Variants in LRRC45 observed in about 807,000 individuals in gnomAD.
LRRC45 encodes leucine rich repeat containing 45, also known as leucine-rich repeat-containing protein 45.
Under a neutral mutation model 85.4 loss-of-function variants are expected in LRRC45, and 73 were observed. The ratio of observed to expected loss-of-function variants is 0.85; its 90% CI spans 0.71 to 1.04. The LOEUF (loss-of-function observed/expected upper bound fraction) is 1.04, where lower values mean the gene tolerates loss of function less well. Ranked by LOEUF, LRRC45 falls within the 50% of genes least tolerant of loss-of-function variation. LRRC45 has a pLI of 0.00. For synonymous variants in LRRC45, 429 were observed against 386.0 expected, an observed-to-expected ratio of 1.11 and a Z score of -1.31; for missense variants, 937 against 883.3, an observed-to-expected ratio of 1.06 and a Z score of -0.77.
intron 5 of LRRC45, 71 bp downstream of exon 5, chr17:82,025,578 C>T (rs528861638): frequency 7.6e-5 from 110 of 1,454,058 alleles, no homozygotes; most frequent in Middle Eastern, 7.3e-4. Context: ...GGCGGGGTGC[C>T]GGGCTCAGGA....
In LRRC45 at chr17:82,028,644, A is replaced by T. The variant is rs2043389829; in HGVS notation, c.1269A>T (p.Arg423Ser). Residue 423 changes from arginine to serine, a missense_variant, in exon 12 of 17, where the codon AGA becomes AGT. Transcript: ENST00000306688. ...ERLDMEKRRC[R>S]QSLEDSESLR... ...TGGACATGGAGAAGAGAAGATGCAG[A>T]CAGAGCCTGGAGGACTCCGAAAGCC... 6.2e-7 allele frequency: 1 copy of T among 1,612,806 alleles called. No homozygotes were observed.
In LRRC45 at chr17:82,023,478, C is replaced by G; in HGVS notation, c.-166C>G. 1 of 614,702 alleles carries G rather than the reference C, an allele frequency of 1.6e-6. No homozygotes were observed. Among genetic ancestry groups the G allele is most frequent in the South Asian group, 2.1e-5 (1 of 47,692 alleles). The allele number at this position is 614,702 out of a possible 1,614,324, so 38.1% of individuals were successfully genotyped here. On this transcript the variant is annotated 5_prime_UTR_variant, in exon 1 of 17. Coordinates refer to ENST00000306688, the MANE Select transcript of LRRC45 (RefSeq NM_144999.4). ...GCGGACCTTGACTACCGCCCAGCCC[C>G]GCGCTCCCAGGACCTCCCGCCCGCG... is the stretch of plus-strand genomic sequence containing the variant.
chr17:82,028,582 C>G (rs375075762), intron 11 of LRRC45, 31 bp from the exon 12 acceptor site: 199 of 1,612,360 alleles, frequency 1.2e-4, no homozygotes, highest in Non-Finnish European at 1.6e-4. Flanking sequence ...AGGGGATGCT[C>G]ACGCATACTC....
intron 14 of LRRC45, 62 bp from the exon 15 acceptor site, chr17:82,030,003 C>G (rs78893749): frequency 8.2e-6 from 12 of 1,465,982 alleles, no homozygotes; most frequent in Non-Finnish European, 1.1e-5. Context: ...CCCGTGCAGA[C>G]ATTCCCTCAG....
rs948396697 is a variant in LRRC45, at chr17:82,025,030, G to A, written c.384G>A (p.Thr128=). 6.2e-6 allele frequency: 10 copies of A among 1,601,790 alleles called. No individual in the cohort carries two copies. Among genetic ancestry groups the A allele is most frequent in the Non-Finnish European group, 6.8e-6 (8 of 1,174,714 alleles). Residue 128 remains threonine, a synonymous_variant, in exon 4 of 17, where the codon ACG becomes ACA. Coordinates refer to ENST00000306688, the MANE Select transcript of LRRC45 (RefSeq NM_144999.4). ...SLTLEWNSLG[T]WDDAFATFCG... is the part of the protein sequence containing the mutation. The stretch of plus-strand genomic sequence containing the variant: ...CGCTGGAGTGGAACAGCCTGGGCAC[G>A]TGGGACGATGCCTTCGCCACCTTCT...
chr17:82,029,664 G>C lies in LRRC45; in HGVS notation c.1494+29G>C, dbSNP rs765169158. Reference sequence around the variant, plus strand: ...AGCCACACATGTCCGCCACCCTCCGGGGGAGCCAGGCTGCCCGGCATTGCG... The same window carrying C: ...AGCCACACATGTCCGCCACCCTCCGCGGGAGCCAGGCTGCCCGGCATTGCG... On this transcript the variant is annotated intron_variant, in intron 14 of 16. Coordinates refer to ENST00000306688, the MANE Select transcript of LRRC45 (RefSeq NM_144999.4). 11 of 1,547,964 alleles carry C rather than the reference G, an allele frequency of 7.1e-6. No homozygotes were observed. The Admixed American group carries it at 2.1e-4, about 30-fold the overall frequency.
rs941051826 is a variant in LRRC45, at chr17:82,030,446, C to T, written c.1796C>T (p.Ala599Val). Residue 599 changes from alanine to valine, a missense_variant, in exon 16 of 17, where the codon GCC becomes GTC. By Grantham distance (64) the Ala-to-Val change is moderately conservative (BLOSUM62 0). Transcript: ENST00000306688. ...AQEALREKAA[A>V]LERQLKVMAS... ...GAGGCGCTGAGGGAGAAGGCGGCGG[C>T]CCTGGAGCGCCAGCTGAAAGGTGAG... 3.9e-6 allele frequency: 6 copies of T among 1,546,156 alleles called. No homozygotes were observed. The African/African-American group carries it at 4.1e-5, about 11-fold the overall frequency.
chr17:82,029,083 C>T lies in LRRC45; in HGVS notation c.1309-10C>T. On this transcript the variant is annotated splice_polypyrimidine_tract_variant and intron_variant, in intron 12 of 16. Coordinates refer to ENST00000306688, the MANE Select transcript of LRRC45 (RefSeq NM_144999.4). ...TCCACTCTGGCCCCACAATCCCTGC[C>T]CCTGAGCAGGTGGAGCATATGACCC... The T allele has an allele frequency of 6.2e-7, 1 of 1,610,978 alleles. No homozygotes were observed. Among genetic ancestry groups the T allele is most frequent in the African/African-American group, 1.3e-5 (1 of 75,042 alleles).
At chr17:82,026,227 G>A (rs2051013679) in intron 5 of LRRC45, among the ~76,000 whole-genome samples, 1 of 152,210 alleles carries the variant, frequency 6.6e-6, no homozygotes, top group Non-Finnish European at 1.5e-5. Context: ...TTCCAGAACT[G>A]AGCTGGGCAC....
Position 82,027,008 on chromosome 17 carries a change from G to T in LRRC45, c.771G>T (p.Lys257Asn), listed in dbSNP as rs1483358944. 1 of 1,595,008 alleles carries T rather than the reference G, an allele frequency of 6.3e-7. No individual in the cohort carries two copies. Among genetic ancestry groups the T allele is most frequent in the Non-Finnish European group, 8.5e-7 (1 of 1,174,276 alleles). The change falls in exon 6 of 17, where the codon AAG (lysine) becomes AAT (asparagine). Residue 257 changes from lysine to asparagine, a missense_variant. Coordinates refer to ENST00000306688, the MANE Select transcript of LRRC45 (RefSeq NM_144999.4). ...AGCACCTCCGGGAGGAGAAGTCCAAGCAGGTGAGGATGGCGCCTTCACTGA... is the reference window on the plus strand; with the variant it reads ...AGCACCTCCGGGAGGAGAAGTCCAATCAGGTGAGGATGGCGCCTTCACTGA... ...EVQHLREEKS[K>N]QFLDLMETID... is the part of the protein sequence containing the mutation.
rs1257324604 is a variant in LRRC45 at position 82,028,176 on chromosome 17, C to T, written c.1047+30C>T. 5 of 1,560,048 alleles carry T rather than the reference C, an allele frequency of 3.2e-6. No individual in the cohort carries two copies. The East Asian group carries it at 9.5e-5, about 30-fold the overall frequency. ...GTGGGCAGGGCTTGAGAGGGGTGGG[C>T]CAAGGGGTGCGTGGCGGCTTCGTGA... is the stretch of plus-strand genomic sequence containing the variant. On this transcript the variant is annotated intron_variant, in intron 9 of 16. Coordinates refer to ENST00000306688, the MANE Select transcript of LRRC45 (RefSeq NM_144999.4).
At chr17:82,024,661 C>A in intron 2 of LRRC45, 32 bp from the exon 3 acceptor site, 4 of 1,560,108 alleles carry the variant, frequency 2.6e-6, no homozygotes, top group Non-Finnish European at 3.5e-6. Context: ...AGTCAGGGCA[C>A]GCGAGTGACT....
chr17:82,028,765 G>T, intron 12 of LRRC45, 82 bp downstream of exon 12: 3 of 1,438,876 alleles, frequency 2.1e-6, no homozygotes, highest in Non-Finnish European at 2.8e-6. Flanking sequence ...ACACCTGGTG[G>T]GAGCTTCCCT....
rs958861898 is a variant in LRRC45 at position 82,023,706 on chromosome 17, G to T, written c.63G>T (p.Glu21Asp). 6.4e-7 allele frequency: 1 copy of T among 1,551,942 alleles called. No individual in the cohort carries two copies. The highest frequency in any genetic ancestry group is 8.7e-7 in the Non-Finnish European group (1 of 1,154,018). ...GGGAGAGTGGGGCCGAGCCCCAGGAGGCTGTCCTGCAGCAGCTGCACCAGC... is the reference window on the plus strand; with the variant it reads ...GGGAGAGTGGGGCCGAGCCCCAGGATGCTGTCCTGCAGCAGCTGCACCAGC... ...LCRESGAEPQ[E>D]AVLQQLHQLP... Residue 21 changes from glutamate to aspartate, a missense_variant, in exon 1 of 17, where the codon GAG becomes GAT. By Grantham distance (45) the Glu-to-Asp change is conservative. Transcript: ENST00000306688.
chr17:82,025,487 G>A lies in LRRC45; in HGVS notation c.641G>A (p.Gly214Glu). 1 of 1,607,748 alleles carries A rather than the reference G, an allele frequency of 6.2e-7. No individual in the cohort carries two copies. Among genetic ancestry groups the A allele is most frequent in the Non-Finnish European group, 8.5e-7 (1 of 1,177,054 alleles). The change falls in exon 5 of 17, where the codon GGA becomes GAA. Residue 214 changes from glycine (G) to glutamate (E), a missense_variant. Physicochemically the swap from Gly to Glu is moderately conservative, Grantham distance 98. Coordinates refer to ENST00000306688, the MANE Select transcript of LRRC45 (RefSeq NM_144999.4). The part of the protein sequence containing the change: ...RLDLAGNNIP[G>E]DVLRAVEQAM... ...GACCTGGCTGGGAACAACATCCCTG[G>A]AGACGTCCTCAGAGCCGTGGGTACG... is the stretch of plus-strand genomic sequence containing the variant.
intron 14 of LRRC45, among the ~76,000 whole-genome samples, 176 bp downstream of exon 14, chr17:82,029,811 G>A (rs755867484): frequency 1.3e-5 from 2 of 152,234 alleles, no homozygotes; most frequent in Non-Finnish European, 2.9e-5. Context: ...GGCCTGAGAC[G>A]GTGGAGAGGT....
In LRRC45 at chr17:82,028,459, G is replaced by A. The variant is rs1013569385; in HGVS notation, c.1188G>A (p.Glu396=). 3.1e-6 allele frequency: 5 copies of A among 1,612,618 alleles called. No individual in the cohort carries two copies. Among genetic ancestry groups the A allele is most frequent in the Non-Finnish European group, 4.2e-6 (5 of 1,179,974 alleles). The change falls in exon 11 of 17, where the codon GAG becomes GAA. Residue 396 remains glutamate (E), a synonymous_variant. Transcript: ENST00000306688. ...AGCAGCTGTTCCAGACCAGGCAGGA[G>A]ATGACCAGCATGTCAGCTGAGCTGA... The part of the protein sequence containing the change: ...QQEQLFQTRQ[E]MTSMSAELKM...
At chr17:82,029,520 C>G in intron 13 of LRRC45, 23 bp from the exon 14 acceptor site, 3 of 1,553,870 alleles carry the variant, frequency 1.9e-6, no homozygotes, top group Non-Finnish European at 1.7e-6. Flanking sequence ...GGAGAACGGG[C>G]TGGCAGGTGG....
intron 9 of LRRC45, 26 bp downstream of exon 9, chr17:82,028,172 T>C (rs1207602180): frequency 6.4e-7 from 1 of 1,559,758 alleles, no homozygotes; most frequent in East Asian, 2.4e-5. Context: ...TTGAGAGGGG[T>C]GGGCCAAGGG....
Sources: gnomAD v4.1 joint callset for allele counts (sites outside exome capture counted in the v4.1 genomes callset) on GRCh38, gnomAD v4.1.1 for gene constraint, MANE v1.5 for transcripts, NCBI Gene and HGNC (gene_info 2026-07-23, HGNC 2026-07-21) for gene names.